EIF4G3: variants seen among roughly 807,000 people sequenced by gnomAD.
The protein encoded by EIF4G3 is eukaryotic translation initiation factor 4 gamma 3.
A neutral mutation model predicts 186.4 loss-of-function variants in EIF4G3; 34 were observed. The ratio of observed to expected loss-of-function variants is 0.18; its 90% CI spans 0.14 to 0.24. The LOEUF is 0.24. EIF4G3 is among the 10% of genes least tolerant of loss of function. The probability of loss-of-function intolerance (pLI) is 1.00; values close to 1 mark genes in which losing one functional copy is unlikely to be tolerated. For missense variants in EIF4G3, 1,536 were observed against 1,948.5 expected (o/e 0.79, Z 3.99); for synonymous variants, 673 against 679.5 (o/e 0.99, Z 0.15).
intron 20 of EIF4G3, among the ~76,000 whole-genome samples, chr1:20,877,979 G>A (rs1420598692): frequency 6.6e-6 from 1 of 152,112 alleles, no homozygotes; most frequent in Admixed American, 6.6e-5. Flanking sequence ...AAGTAGCTGG[G>A]ATTACAGGCG....
chr1:21,115,253 C>G (rs1474485158), intron 2 of EIF4G3, among the ~76,000 whole-genome samples: 1 of 152,094 alleles, frequency 6.6e-6, no homozygotes, highest in African/African-American at 2.4e-5. Flanking sequence ...CCACAGAGGA[C>G]ACTGCAGGGT....
At chr1:21,146,198 T>C (rs1343708238) in intron 2 of EIF4G3, among the ~76,000 whole-genome samples, 1 of 152,110 alleles carries the variant, frequency 6.6e-6, no homozygotes, top group Non-Finnish European at 1.5e-5. Context: ...TACAAAAAAA[T>C]GTTTTTAATT....
chr1:20,998,639 T>A (rs1298520280), intron 6 of EIF4G3, among the ~76,000 whole-genome samples: 1 of 152,274 alleles, frequency 6.6e-6, no homozygotes, highest in African/African-American at 2.4e-5. Flanking sequence ...TTGAATACAT[T>A]TTAACTGAAA....
In EIF4G3 at chr1:21,097,940, T is replaced by TA. The variant is rs201976994; in HGVS notation, c.-271-8728dup. On this transcript the variant is annotated intron_variant, in intron 2 of 36. Transcript: ENST00000602326. ...TAACACATCAAAAGCATGATGTATTTAAAAAAAAAAATTGATATGACCAGG... is the reference window on the plus strand; with the variant it reads ...TAACACATCAAAAGCATGATGTATTTAAAAAAAAAAAATTGATATGACCAGG... 6.8e-3 allele frequency among the ~76,000 whole-genome samples: 1,013 copies of TA among 149,014 alleles called. 9 individuals carry two copies. The highest frequency in any genetic ancestry group is 0.023 in the African/African-American group (921 of 40,794).
chr1:21,081,946 A>T (rs948160983), intron 3 of EIF4G3, among the ~76,000 whole-genome samples: 1 of 151,304 alleles, frequency 6.6e-6, no homozygotes, highest in African/African-American at 2.4e-5. Context: ...GCACAGCCCC[A>T]ACTTTTTTTT....
At chr1:21,026,498 A>T (rs1402011349) in intron 4 of EIF4G3, among the ~76,000 whole-genome samples, 1 of 149,174 alleles carries the variant, frequency 6.7e-6, no homozygotes. Context: ...GACTTCTTAG[A>T]TACAATACCA....
chr1:20,970,340 G>A (rs1055704868), intron 11 of EIF4G3, among the ~76,000 whole-genome samples: 6 of 152,240 alleles, frequency 3.9e-5, no homozygotes, highest in African/African-American at 1.2e-4. Context: ...TCGGCCAGGC[G>A]CGGTGGCTCA....
At chr1:20,966,824 G>A (rs773691055) in intron 12 of EIF4G3, among the ~76,000 whole-genome samples, 1 of 152,102 alleles carries the variant, frequency 6.6e-6, no homozygotes, top group African/African-American at 2.4e-5. Context: ...CATTATGCTT[G>A]TGCTACTGTT....
Position 21,070,298 on chromosome 1 carries a change from T to C in EIF4G3, c.-196+18840A>G, listed in dbSNP as rs577177391. ...AATAATGTATAAACATGATTTTTGT[T>C]AAAAAAAAGAAAAAGTAGTGCCCTC... On this transcript the variant is annotated intron_variant, in intron 3 of 36. Coordinates refer to ENST00000602326, the MANE Select transcript of EIF4G3 (RefSeq NM_001391906.1). Among the ~76,000 whole-genome samples the C allele has an allele frequency of 5.9e-5, 9 of 151,890 alleles. No homozygotes were observed. The South Asian group carries it at 1.9e-3, about 32-fold the overall frequency.
At chr1:21,115,859 C>T (rs2096810563) in intron 2 of EIF4G3, among the ~76,000 whole-genome samples, 1 of 152,036 alleles carries the variant, frequency 6.6e-6, no homozygotes, top group South Asian at 2.1e-4. Context: ...TAGGAATATA[C>T]AGGTAGGGAC....
chr1:21,065,700 A>C (rs1477331903), intron 3 of EIF4G3, among the ~76,000 whole-genome samples: 3 of 152,204 alleles, frequency 2.0e-5, no homozygotes, highest in Non-Finnish European at 4.4e-5. Flanking sequence ...TCTTCTGTAA[A>C]AGTGAAAAGT....
rs145335196 is a variant in EIF4G3 at position 20,876,523 on chromosome 1, C to T, written c.2622+2800G>A. ...AACCAAAAAAACCTCTTTATACATA[C>T]TCATATTTTCATGTGATTTTATAAA... On this transcript the variant is annotated intron_variant, in intron 20 of 36. Transcript: ENST00000602326. Among the ~76,000 whole-genome samples, 603 of 148,734 alleles carry T rather than the reference C, an allele frequency of 4.1e-3. 5 individuals carry two copies. Among genetic ancestry groups the T allele is most frequent in the African/African-American group, 0.014 (565 of 40,556 alleles).
chr1:20,905,143 C>T (rs1022174099), intron 14 of EIF4G3, among the ~76,000 whole-genome samples, 172 bp from the exon 15 acceptor site: 1 of 152,220 alleles, frequency 6.6e-6, no homozygotes, highest in Non-Finnish European at 1.5e-5. Flanking sequence ...GAGATTGCAA[C>T]ATCAAGTGTT....
At chr1:21,111,289 T>G (rs1238395230) in intron 2 of EIF4G3, 1 of 471,040 alleles carries the variant, frequency 2.1e-6, no homozygotes, top group South Asian at 1.5e-5. Flanking sequence ...AAGACAAAAA[T>G]TTGAATCCTA....
chr1:21,011,470 A>G (rs2087070497), intron 4 of EIF4G3, among the ~76,000 whole-genome samples: 1 of 152,192 alleles, frequency 6.6e-6, no homozygotes, highest in Non-Finnish European at 1.5e-5. Context: ...GAAAAACCAC[A>G]TCGATACAAT....
At chr1:20,940,068 C>T (rs528613479) in intron 14 of EIF4G3, among the ~76,000 whole-genome samples, 1 of 151,966 alleles carries the variant, frequency 6.6e-6, no homozygotes, top group African/African-American at 2.4e-5. Context: ...GTTGCCAAGG[C>T]TGGTCTCGAA....
At chr1:21,158,736 T>G (rs2097705533) in intron 2 of EIF4G3, among the ~76,000 whole-genome samples, 1 of 137,730 alleles carries the variant, frequency 7.3e-6, no homozygotes, top group Non-Finnish European at 1.7e-5. Context: ...TACATACATA[T>G]ACATACACAC....
At chr1:21,006,063 T>C (rs558124404) in intron 4 of EIF4G3, among the ~76,000 whole-genome samples, 1 of 152,302 alleles carries the variant, frequency 6.6e-6, no homozygotes, top group Non-Finnish European at 1.5e-5. Flanking sequence ...ATTTTGCCAA[T>C]AGATCATTCA....
At chr1:21,088,254 C>G (rs2096063219) in intron 3 of EIF4G3, among the ~76,000 whole-genome samples, 1 of 151,776 alleles carries the variant, frequency 6.6e-6, no homozygotes, top group Admixed American at 6.6e-5. Flanking sequence ...AACTCTGTCT[C>G]TACTAAAAGA....
Sources: allele counts gnomAD v4.1 joint callset (sites outside exome capture counted in the v4.1 genomes callset), GRCh38; gene constraint gnomAD v4.1.1; transcripts MANE v1.5; gene names NCBI Gene and HGNC (gene_info 2026-07-23, HGNC 2026-07-21).